Variants in BTBD9 observed in about 807,000 individuals in gnomAD.
The protein encoded by BTBD9 is BTB domain containing 9.
Under a neutral mutation model 64.3 loss-of-function variants are expected in BTBD9, and 49 were observed. The observed-to-expected ratio is 0.76, with a 90% CI of 0.61 to 0.97. The LOEUF is 0.97. Among genes scored for constraint, BTBD9 ranks in the 50% least tolerant of loss-of-function variants. BTBD9 has a pLI of 0.00. For synonymous variants in BTBD9, 260 were observed against 274.7 expected (o/e 0.95, Z 0.53); for missense variants, 598 against 762.1 (o/e 0.78, Z 2.53).
chr6:38,579,891 T>C (rs1050688514), intron 5 of BTBD9, among the ~76,000 whole-genome samples: 13 of 152,218 alleles, frequency 8.5e-5, no homozygotes, highest in Non-Finnish European at 2.9e-5. Flanking sequence ...TATGTGTCCA[T>C]GCATAATTGA....
At chr6:38,348,463 T>C (rs562588482) in intron 6 of BTBD9, among the ~76,000 whole-genome samples, 1 of 152,332 alleles carries the variant, frequency 6.6e-6, no homozygotes, top group South Asian at 2.1e-4. Context: ...AGATATCCTT[T>C]GTTCTTGCTG....
intron 7 of BTBD9, among the ~76,000 whole-genome samples, chr6:38,308,233 C>A (rs1475368673): frequency 6.6e-6 from 1 of 152,226 alleles, no homozygotes; most frequent in African/African-American, 2.4e-5. Context: ...AAATTGAGGA[C>A]AGAGGCATTT....
At chr6:38,549,469 A>G (rs965364342) in intron 6 of BTBD9, among the ~76,000 whole-genome samples, 3 of 152,190 alleles carry the variant, frequency 2.0e-5, no homozygotes, top group Admixed American at 6.5e-5. Context: ...AGGCTGGCTC[A>G]GTATTTTTGC....
chr6:38,230,175 A>G (rs553873347), intron 9 of BTBD9, among the ~76,000 whole-genome samples: 1 of 152,188 alleles, frequency 6.6e-6, no homozygotes, highest in South Asian at 2.1e-4. Context: ...TGTTCTCCAC[A>G]CAGCAACCAG....
chr6:38,618,144 G>A (rs532013155), intron 1 of BTBD9, among the ~76,000 whole-genome samples: 3 of 152,260 alleles, frequency 2.0e-5, no homozygotes, highest in Admixed American at 6.5e-5. Context: ...TTTCAGATGG[G>A]AAACACTCAG....
At chr6:38,378,683 G>T (rs1316242483) in intron 6 of BTBD9, among the ~76,000 whole-genome samples, 1 of 151,692 alleles carries the variant, frequency 6.6e-6, no homozygotes, top group South Asian at 2.1e-4. Flanking sequence ...AGATCGGCCT[G>T]ACCAACATAG....
intron 6 of BTBD9, among the ~76,000 whole-genome samples, chr6:38,369,241 T>G (rs1765316779): frequency 6.6e-6 from 1 of 152,154 alleles, no homozygotes; most frequent in Non-Finnish European, 1.5e-5. Context: ...CTCCATCAAA[T>G]CCATTCTTCA....
rs1764950217 is a variant in BTBD9, at chr6:38,265,776, TC to T, written c.1455-9261del. ...CTCAAGCGACCTGCCTGCCTCAGCC[TC>T]CCACAGTGCTGGGCTTACAGGCGTG... On this transcript the variant is annotated intron_variant, in intron 8 of 10. Coordinates refer to ENST00000481247, the MANE Select transcript of BTBD9 (RefSeq NM_001099272.2). Among the ~76,000 whole-genome samples the T allele has an allele frequency of 2.6e-5, 4 of 152,184 alleles. No homozygotes were observed. The South Asian group carries it at 8.3e-4, about 31-fold the overall frequency.
chr6:38,298,613 G>A (rs998355689), intron 7 of BTBD9, among the ~76,000 whole-genome samples: 12 of 152,092 alleles, frequency 7.9e-5, no homozygotes, highest in African/African-American at 2.7e-4. Flanking sequence ...CTATCTAACT[G>A]TATATTTGTA....
At chr6:38,592,470 T>C (rs1776841523) in intron 4 of BTBD9, 106 bp downstream of exon 4, 2 of 1,212,218 alleles carry the variant, frequency 1.6e-6, no homozygotes, top group African/African-American at 3.0e-5. Context: ...AACGTACATA[T>C]TTCATGTACA....
intron 6 of BTBD9, among the ~76,000 whole-genome samples, chr6:38,481,432 C>T (rs749869989): frequency 1.9e-4 from 29 of 152,144 alleles, no homozygotes; most frequent in Non-Finnish European, 2.6e-4. Flanking sequence ...GGCCGCACAT[C>T]GTAAAGTGTT....
At chr6:38,306,621 G>C (rs1041644458) in intron 7 of BTBD9, among the ~76,000 whole-genome samples, 14 of 152,186 alleles carry the variant, frequency 9.2e-5, no homozygotes, top group African/African-American at 3.4e-4. Flanking sequence ...AAAGCACCAG[G>C]GGTGGCCAAC....
At chr6:38,414,249 G>A (rs1420044248) in intron 6 of BTBD9, among the ~76,000 whole-genome samples, 1 of 152,124 alleles carries the variant, frequency 6.6e-6, no homozygotes, top group African/African-American at 2.4e-5. Context: ...ATAATATGTT[G>A]TAATATTCTC....
At chr6:38,433,654 G>A (rs553670330) in intron 6 of BTBD9, among the ~76,000 whole-genome samples, 3 of 151,800 alleles carry the variant, frequency 2.0e-5, no homozygotes, top group East Asian at 1.9e-4. Context: ...GACTCAGCCC[G>A]CCTGCACCCA....
intron 6 of BTBD9, among the ~76,000 whole-genome samples, chr6:38,515,202 G>A (rs1268399480): frequency 6.6e-6 from 1 of 152,086 alleles, no homozygotes; most frequent in South Asian, 2.1e-4. Flanking sequence ...CTTTCTATAT[G>A]AACTGTTAAA....
chr6:38,546,473 CTTTGA>C (rs1414329216), intron 6 of BTBD9, among the ~76,000 whole-genome samples: 1 of 151,982 alleles, frequency 6.6e-6, no homozygotes, highest in Non-Finnish European at 1.5e-5. Context: ...TTCTATTTGT[CTTTGA>C]TTTATGACAC....
intron 6 of BTBD9, among the ~76,000 whole-genome samples, chr6:38,452,558 T>C (rs1769606449): frequency 6.6e-6 from 1 of 151,692 alleles, no homozygotes; most frequent in Non-Finnish European, 1.5e-5. Flanking sequence ...ATTAGGATGC[T>C]GGCAATGAGA....
chr6:38,522,172 T>G (rs908762921), intron 6 of BTBD9, among the ~76,000 whole-genome samples: 1 of 152,206 alleles, frequency 6.6e-6, no homozygotes, highest in Admixed American at 6.5e-5. Flanking sequence ...TCCCTCTCCC[T>G]AATCTTTCAA....
intron 6 of BTBD9, among the ~76,000 whole-genome samples, chr6:38,444,350 A>G (rs1037028054): frequency 1.3e-5 from 2 of 152,246 alleles, no homozygotes; most frequent in African/African-American, 2.4e-5. Context: ...CTCCAGAATC[A>G]TAAAAGAATC....
Sources: allele counts gnomAD v4.1 joint callset (sites outside exome capture counted in the v4.1 genomes callset), GRCh38; gene constraint gnomAD v4.1.1; transcripts MANE v1.5; gene names NCBI Gene and HGNC (gene_info 2026-07-23, HGNC 2026-07-21).